GMDS: variants seen among roughly 807,000 people sequenced by gnomAD.
GMDS encodes GDP-mannose 4,6 dehydratase.
A neutral mutation model predicts 49.9 loss-of-function variants in GMDS; 20 were observed. The ratio of observed to expected loss-of-function variants is 0.40; its 90% CI spans 0.28 to 0.58. The LOEUF (loss-of-function observed/expected upper bound fraction) is 0.58. GMDS is among the 20% of genes least tolerant of loss of function. GMDS has a pLI of 0.42. For synonymous variants in GMDS, 177 were observed against 178.6 expected (o/e 0.99, Z 0.07); for missense variants, 362 against 481.4 (o/e 0.75, Z 2.32).
chr6:1,987,004 G>A (rs778258467), intron 4 of GMDS, among the ~76,000 whole-genome samples: 5 of 152,158 alleles, frequency 3.3e-5, no homozygotes, highest in Non-Finnish European at 7.3e-5. Context: ...ACCAGTAGTT[G>A]AGCCAGAAGA....
intron 1 of GMDS, among the ~76,000 whole-genome samples, chr6:2,177,877 A>C (rs901236620): frequency 2.6e-5 from 4 of 152,236 alleles, no homozygotes; most frequent in Non-Finnish European, 4.4e-5. Flanking sequence ...AAAGACATAG[A>C]ATCAACGCAG....
intron 7 of GMDS, among the ~76,000 whole-genome samples, chr6:1,804,958 G>A (rs548526549): frequency 6.6e-6 from 1 of 152,262 alleles, no homozygotes; most frequent in East Asian, 1.9e-4. Flanking sequence ...TGGTCTCTAA[G>A]TATCCTGTAG....
At chr6:2,098,605 C>T (rs561422228) in intron 4 of GMDS, among the ~76,000 whole-genome samples, 1 of 152,260 alleles carries the variant, frequency 6.6e-6, no homozygotes, top group South Asian at 2.1e-4. Flanking sequence ...CTGCACTGAA[C>T]TGAAAATTTC....
At chr6:2,119,002 A>G (rs866495125) in intron 2 of GMDS, among the ~76,000 whole-genome samples, 3 of 152,190 alleles carry the variant, frequency 2.0e-5, no homozygotes, top group Non-Finnish European at 4.4e-5. Context: ...ATACTTATAC[A>G]TAGCAAAACT....
rs990294830 is a variant in GMDS, at chr6:2,073,442, T to A, written c.345+42329A>T. On this transcript the variant is annotated intron_variant, in intron 4 of 10. Transcript: ENST00000380815. ...GCTACATGTATAGAATGTGTAATGA[T>A]CAAGTTAGGGTGTTTGGGGTATTCA... is the stretch of plus-strand genomic sequence containing the variant. 2.0e-5 allele frequency among the ~76,000 whole-genome samples: 3 copies of A among 152,214 alleles called. No homozygotes were observed. In the East Asian group the frequency reaches 5.8e-4, roughly 29 times the overall value.
chr6:1,833,999 C>T lies in GMDS; in HGVS notation c.772-91413G>A, dbSNP rs1756804199. The stretch of plus-strand genomic sequence containing the variant: ...CATGTATATACAAACATAACTGAAT[C>T]ACAAAGTCAGAGCTTAGGTTCTGGT... On this transcript the variant is annotated intron_variant, in intron 7 of 10. Coordinates refer to ENST00000380815, the MANE Select transcript of GMDS (RefSeq NM_001500.4). This position sits in a 1 kb window ranked among gnomAD's most constrained non-coding sequence, Gnocchi z 4.4. Among the ~76,000 whole-genome samples the T allele has an allele frequency of 6.6e-6, 1 of 152,086 alleles. No homozygotes were observed. Among genetic ancestry groups the T allele is most frequent in the South Asian group, 2.1e-4 (1 of 4,806 alleles).
chr6:2,051,595 T>C (rs975281469), intron 4 of GMDS, among the ~76,000 whole-genome samples: 3 of 152,178 alleles, frequency 2.0e-5, no homozygotes, highest in Admixed American at 6.5e-5. Context: ...ATAAGTGAGA[T>C]TGGTCTGTAA....
intron 7 of GMDS, among the ~76,000 whole-genome samples, chr6:1,837,862 G>A (rs933662768): frequency 5.9e-5 from 9 of 152,148 alleles, no homozygotes; most frequent in African/African-American, 2.2e-4. Context: ...GCTCAGGGAG[G>A]AAGGAGACCC....
intron 9 of GMDS, among the ~76,000 whole-genome samples, chr6:1,634,783 G>C (rs1392186421): frequency 6.6e-6 from 1 of 152,188 alleles, no homozygotes; most frequent in Non-Finnish European, 1.5e-5. Flanking sequence ...TCCAGTCACA[G>C]ATGTGGTGAG....
intron 1 of GMDS, among the ~76,000 whole-genome samples, chr6:2,215,667 T>C (rs1237151965): frequency 6.7e-6 from 1 of 148,508 alleles, no homozygotes; most frequent in Admixed American, 6.7e-5. Flanking sequence ...GGAAGAAAAA[T>C]AGGAGAAAGG....
At chr6:2,227,270 C>T (rs1780859690) in intron 1 of GMDS, among the ~76,000 whole-genome samples, 1 of 151,998 alleles carries the variant, frequency 6.6e-6, no homozygotes, top group South Asian at 2.1e-4. Context: ...TGGTTCTCAA[C>T]CACAACACCT....
intron 2 of GMDS, among the ~76,000 whole-genome samples, chr6:2,120,238 G>C (rs1396300854): frequency 6.6e-6 from 1 of 152,122 alleles, no homozygotes; most frequent in Non-Finnish European, 1.5e-5. Context: ...TGAGGATGTT[G>C]CCTGAGATAA....
intron 1 of GMDS, among the ~76,000 whole-genome samples, chr6:2,234,222 C>T (rs570708559): frequency 2.6e-5 from 4 of 152,150 alleles, no homozygotes; most frequent in Non-Finnish European, 4.4e-5. Context: ...TTTCTTATTC[C>T]TTCCTATCCA....
chr6:1,975,370 C>T (rs1317372195), intron 4 of GMDS, among the ~76,000 whole-genome samples: 1 of 152,200 alleles, frequency 6.6e-6, no homozygotes, highest in African/African-American at 2.4e-5. Flanking sequence ...AGCAGTAACA[C>T]TGACTCTGGG....
chr6:1,717,736 A>G (rs564802724), intron 9 of GMDS: 1 of 152,372 alleles, frequency 6.6e-6, no homozygotes, highest in East Asian at 1.9e-4. Flanking sequence ...TTTGATAACT[A>G]ATAATTTCAC....
intron 7 of GMDS, among the ~76,000 whole-genome samples, chr6:1,910,277 GTTAGC>G (rs763665245): frequency 3.4e-5 from 5 of 148,490 alleles, no homozygotes; most frequent in African/African-American, 9.9e-5. Flanking sequence ...AAAAAAAGAT[GTTAGC>G]TTAGCTTAAG....
At position 2,191,121 on chromosome 6, in the gene GMDS, G is replaced by A. The variant is rs1050178468; in HGVS notation, c.102+54200C>T. ...CCACGCCCACTGCACCAAGGGTGCCGTGTTCTTGCGCCCCCAGAGAGGACT... is the reference window on the plus strand; with the variant it reads ...CCACGCCCACTGCACCAAGGGTGCCATGTTCTTGCGCCCCCAGAGAGGACT... On this transcript the variant is annotated intron_variant, in intron 1 of 10. Transcript: ENST00000380815. The surrounding 1 kb of genome is among the most constrained non-coding windows in gnomAD (Gnocchi z 4.6). Among the ~76,000 whole-genome samples the A allele has an allele frequency of 5.9e-5, 9 of 152,072 alleles. No individual in the cohort carries two copies. The highest frequency in any genetic ancestry group is 1.0e-4 in the Non-Finnish European group (7 of 67,968).
intron 4 of GMDS, among the ~76,000 whole-genome samples, chr6:1,987,993 G>A (rs888320573): frequency 2.6e-5 from 4 of 152,018 alleles, no homozygotes; most frequent in Non-Finnish European, 5.9e-5. Flanking sequence ...TAACACCAAG[G>A]AAAAAATAAT....
chr6:1,714,271 G>A (rs1581497350), intron 9 of GMDS, among the ~76,000 whole-genome samples: 1 of 152,036 alleles, frequency 6.6e-6, no homozygotes, highest in East Asian at 1.9e-4. Context: ...ACCTGCCTTG[G>A]CCTCCTAAAG....
Sources: allele counts gnomAD v4.1 joint callset (sites outside exome capture counted in the v4.1 genomes callset), GRCh38; gene constraint gnomAD v4.1.1; non-coding constraint Gnocchi (gnomAD v3.1); transcripts MANE v1.5; gene names NCBI Gene and HGNC (gene_info 2026-07-23, HGNC 2026-07-21).